C7orf33: variants seen among roughly 807,000 people sequenced by gnomAD.
The protein encoded by C7orf33 is chromosome 7 open reading frame 33.
C7orf33 carries 15 observed loss-of-function variants against 13.4 expected under a neutral mutation model. That is an observed-to-expected ratio of 1.12 (90% CI 0.75 to 1.72). The LOEUF is 1.72. Ranked by LOEUF, C7orf33 falls within the 40% of genes most tolerant of loss-of-function variation. The pLI is 0.00. For missense variants in C7orf33, 187 were observed against 220.3 expected, an observed-to-expected ratio of 0.85 and a Z score of 0.96; for synonymous variants, 73 against 83.2, an observed-to-expected ratio of 0.88 and a Z score of 0.67.
In C7orf33 at chr7:148,610,558, C is replaced by A. The variant is rs555672910; in HGVS notation, c.205-3484C>A. ...AGCATGTGAGTTATTACTTAATAAA[C>A]TCCCCTTCATATAATATTTTATGTG... On this transcript the variant is annotated intron_variant, in intron 1 of 2. Coordinates refer to ENST00000307003, the MANE Select transcript of C7orf33 (RefSeq NM_145304.4). 2.4e-4 allele frequency among the ~76,000 whole-genome samples: 36 copies of A among 152,236 alleles called. No homozygotes were observed. The South Asian group carries it at 7.0e-3, about 30-fold the overall frequency.
Position 148,614,216 on chromosome 7 carries a change from G to A in C7orf33, c.379G>A (p.Gly127Ser), listed in dbSNP as rs201586129. The A allele has an allele frequency of 4.9e-5, 79 of 1,614,078 alleles. No individual in the cohort carries two copies. The East Asian group carries it at 7.4e-4, about 15-fold the overall frequency. ...GGGCTTGTCCTCAGATCCAGTTGTC[G>A]GCACCTTGTCTTCCAGTTACCTAGA... Reference protein sequence around the residue: ...RMGLSSDPVVGTLSSSYLDLL... With the variant: ...RMGLSSDPVVSTLSSSYLDLL... The change falls in exon 2 of 3, where the codon GGC becomes AGC. Residue 127 changes from glycine (G) to serine (S), a missense_variant. Transcript: ENST00000307003.
In C7orf33 at chr7:148,609,404, A is replaced by G. The variant is rs79413015; in HGVS notation, c.205-4638A>G. Among the ~76,000 whole-genome samples, 695 of 152,350 alleles carry G rather than the reference A, an allele frequency of 4.6e-3. 3 individuals carry two copies. Among genetic ancestry groups the G allele is most frequent in the African/African-American group, 0.016 (669 of 41,574 alleles). ...CCTCCTTTCACATACAGAGTAACAG[A>G]AACCCCAACTCAAAGGTCTTTTCAA... is the stretch of plus-strand genomic sequence containing the variant. On this transcript the variant is annotated intron_variant, in intron 1 of 2. Transcript: ENST00000307003.
At chr7:148,591,663 A>G (rs1796273091) in intron 1 of C7orf33, among the ~76,000 whole-genome samples, 1 of 152,102 alleles carries the variant, frequency 6.6e-6, no homozygotes, top group Admixed American at 6.6e-5. Context: ...TCACTGCAGC[A>G]TCAACCTCCT....
Position 148,603,392 on chromosome 7 carries a change from A to C in C7orf33, c.205-10650A>C, listed in dbSNP as rs145979013. Among the ~76,000 whole-genome samples, 161 of 152,210 alleles carry C rather than the reference A, an allele frequency of 1.1e-3. 2 individuals carry two copies. Among genetic ancestry groups the C allele is most frequent in the South Asian group, 2.5e-3 (12 of 4,820 alleles). ...GCCAACATGGTGAAACCCCATCCCC[A>C]CTAAAAATACAAAAATTGGCCGAAA... On this transcript the variant is annotated intron_variant, in intron 1 of 2. Coordinates refer to ENST00000307003, the MANE Select transcript of C7orf33 (RefSeq NM_145304.4).
intron 1 of C7orf33, among the ~76,000 whole-genome samples, chr7:148,603,402 CA>C (rs1023567586): frequency 3.9e-5 from 6 of 151,964 alleles, no homozygotes; most frequent in Non-Finnish European, 8.8e-5. Flanking sequence ...ACTAAAAATA[CA>C]AAAATTGGCC....
rs1444439672 is a variant in C7orf33 at position 148,590,807 on chromosome 7, C to T, written c.-119C>T. On this transcript the variant is annotated 5_prime_UTR_variant, in exon 1 of 3. Coordinates refer to ENST00000307003, the MANE Select transcript of C7orf33 (RefSeq NM_145304.4). Reference sequence around the variant, plus strand: ...ATCCAGTGGTCAGGAGCGAGGCGCCCAGCCTGTGTCTGAATCCTCCTACTG... The same window carrying T: ...ATCCAGTGGTCAGGAGCGAGGCGCCTAGCCTGTGTCTGAATCCTCCTACTG... 3.3e-5 allele frequency: 30 copies of T among 911,538 alleles called. No homozygotes were observed. In the Admixed American group the frequency reaches 5.5e-4, roughly 17 times the overall value. 56.5% of individuals were successfully genotyped at this position (911,538 alleles called of 1,614,324 possible). A position where few individuals can be genotyped will look rare whatever the true frequency, so the allele number is the denominator to read the frequency against.
chr7:148,606,259 T>G (rs898309638), intron 1 of C7orf33, among the ~76,000 whole-genome samples: 6 of 152,234 alleles, frequency 3.9e-5, no homozygotes, highest in African/African-American at 1.4e-4. Flanking sequence ...GTACCTTCTA[T>G]GTGCTAGGCA....
intron 1 of C7orf33, among the ~76,000 whole-genome samples, chr7:148,594,872 AG>A (rs1302811604): frequency 7.3e-4 from 111 of 152,126 alleles, no homozygotes; most frequent in Non-Finnish European, 7.4e-5. Context: ...GTTATGGTTC[AG>A]GAACCTAACA....
chr7:148,591,242 A>G, intron 1 of C7orf33, 113 bp downstream of exon 1: 1 of 892,250 alleles, frequency 1.1e-6, no homozygotes, highest in Non-Finnish European at 1.8e-6. Flanking sequence ...GTGTTATGGA[A>G]CTGGGCTTAA....
At chr7:148,598,481 A>G (rs1796368259) in intron 1 of C7orf33, among the ~76,000 whole-genome samples, 1 of 151,936 alleles carries the variant, frequency 6.6e-6, no homozygotes, top group Non-Finnish European at 1.5e-5. Flanking sequence ...CTGGTAAACC[A>G]ATGCCCTGCT....
intron 1 of C7orf33, among the ~76,000 whole-genome samples, chr7:148,595,177 G>C (rs532553011): frequency 6.7e-6 from 1 of 149,360 alleles, no homozygotes; most frequent in Middle Eastern, 3.2e-3. Flanking sequence ...TCAAGTGATC[G>C]ATCCTCCTGC....
intron 1 of C7orf33, among the ~76,000 whole-genome samples, chr7:148,611,359 A>G (rs1001497150): frequency 6.6e-6 from 1 of 152,146 alleles, no homozygotes; most frequent in African/African-American, 2.4e-5. Flanking sequence ...CTTAGTGGGT[A>G]CACACACAAG....
intron 1 of C7orf33, among the ~76,000 whole-genome samples, chr7:148,597,439 G>C (rs1796352720): frequency 6.6e-6 from 1 of 151,866 alleles, no homozygotes; most frequent in African/African-American, 2.4e-5. Context: ...CTGCTACCAT[G>C]CCTGGCTAAT....
At chr7:148,602,496 G>A (rs1051042380) in intron 1 of C7orf33, among the ~76,000 whole-genome samples, 2 of 152,146 alleles carry the variant, frequency 1.3e-5, no homozygotes, top group Non-Finnish European at 2.9e-5. Flanking sequence ...ACTCGGGGAG[G>A]CTGAGACATG....
chr7:148,593,409 C>A (rs971194827), intron 1 of C7orf33, among the ~76,000 whole-genome samples: 1 of 152,024 alleles, frequency 6.6e-6, no homozygotes, highest in Non-Finnish European at 1.5e-5. Context: ...ATTACAGGCA[C>A]CTGCCACCAC....
chr7:148,594,398 G>T (rs1021784510), intron 1 of C7orf33, among the ~76,000 whole-genome samples: 3 of 151,938 alleles, frequency 2.0e-5, no homozygotes, highest in Admixed American at 6.6e-5. Flanking sequence ...GGATGGTCTC[G>T]ATCTCCTGAC....
At chr7:148,600,431 A>C (rs1048077569) in intron 1 of C7orf33, among the ~76,000 whole-genome samples, 2 of 152,186 alleles carry the variant, frequency 1.3e-5, no homozygotes, top group African/African-American at 4.8e-5. Context: ...AGATCATGCT[A>C]TTGTACTGCA....
At chr7:148,600,717 G>T (rs1311994113) in intron 1 of C7orf33, among the ~76,000 whole-genome samples, 1 of 150,270 alleles carries the variant, frequency 6.7e-6, no homozygotes, top group African/African-American at 2.5e-5. Flanking sequence ...TTTTGCCAGG[G>T]TTCTGTCTTA....
Position 148,615,794 on chromosome 7 carries a change from ATAT to A in C7orf33, c.*398_*400del, listed in dbSNP as rs1472936357. On this transcript the variant is annotated 3_prime_UTR_variant, in exon 3 of 3. Transcript: ENST00000307003. ...CAACTGAAACACACTGTCATTTATG[ATAT>A]TATTTGTAATATCTGGTATGTCTAA... The A allele has an allele frequency of 1.2e-5, 2 of 167,142 alleles. No homozygotes were observed. The highest frequency in any genetic ancestry group is 4.8e-5 in the African/African-American group (2 of 42,102). The allele number at this position is 167,142 out of a possible 1,614,324, so 10.4% of individuals were successfully genotyped here.
Sources: allele counts gnomAD v4.1 joint callset (sites outside exome capture counted in the v4.1 genomes callset), GRCh38; gene constraint gnomAD v4.1.1; transcripts MANE v1.5; gene names NCBI Gene and HGNC (gene_info 2026-07-23, HGNC 2026-07-21).